The following GPR132 variants were observed in gnomAD, a reference collection of about 807,000 sequenced individuals.
GPR132 encodes probable G protein-coupled receptor 132.
GPR132 carries 4 observed loss-of-function variants against 1.9 expected under a neutral mutation model. The observed-to-expected ratio is 2.13, with a 90% CI of 1.05 to 4.87. GPR132 has a LOEUF of 4.87. Ranked by LOEUF, GPR132 falls within the 30% of genes most tolerant of loss-of-function variation. The probability of loss-of-function intolerance (pLI) is 0.01; values close to 1 mark genes in which losing one functional copy is unlikely to be tolerated. For synonymous variants in GPR132, 233 were observed against 234.2 expected (o/e 0.99, Z 0.05); for missense variants, 404 against 512.5 (o/e 0.79, Z 2.04).
In GPR132 at chr14:105,060,828, C is replaced by G. The variant is rs1382204708; in HGVS notation, c.-860-3548G>C. On this transcript the variant is annotated intron_variant, in intron 1 of 3. Transcript: ENST00000329797. The surrounding 1 kb of genome is among the most constrained non-coding windows in gnomAD (Gnocchi z 6.3). ...CAACCCTGGGTCAGAGGGCTGCAAG[C>G]ACTTCTGCAAAACCAAAGGAAGTGG... Among the ~76,000 whole-genome samples the G allele has an allele frequency of 1.3e-5, 2 of 152,252 alleles. No homozygotes were observed. Among genetic ancestry groups the G allele is most frequent in the Non-Finnish European group, 2.9e-5 (2 of 68,052 alleles).
chr14:105,054,720 C>T (rs950411222), intron 3 of GPR132, among the ~76,000 whole-genome samples: 4 of 150,580 alleles, frequency 2.7e-5, no homozygotes, highest in Non-Finnish European at 5.9e-5. Flanking sequence ...TGTGAGCCAC[C>T]ATGCCAGGCC....
chr14:105,060,780 C>A lies in GPR132; in HGVS notation c.-860-3500G>T, dbSNP rs1160628900. Among the ~76,000 whole-genome samples, 1 of 152,262 alleles carries A rather than the reference C, an allele frequency of 6.6e-6. No individual in the cohort carries two copies. The highest frequency in any genetic ancestry group is 1.5e-5 in the Non-Finnish European group (1 of 68,048). On this transcript the variant is annotated intron_variant, in intron 1 of 3. Transcript: ENST00000329797. This position sits in a 1 kb window ranked among gnomAD's most constrained non-coding sequence, Gnocchi z 6.3. ...TCTTGCTGGTCCAGGGCTGTGCCGC[C>A]CAGTCACGCCAATGCCAGCCGGCAA...
At chr14:105,054,455 A>G in intron 3 of GPR132, 1 of 939,102 alleles carries the variant, frequency 1.1e-6, no homozygotes, top group Non-Finnish European at 1.3e-6. Context: ...ACGTAGTCTC[A>G]AAAAACTGTG....
rs536176598 is a variant in GPR132, at chr14:105,056,003, G to A, written c.-583C>T. ...CACAGTTGGCATTGCTGGATCTCACGGCAGTTCCGTCTCATCTCGTGGGGT... is the reference window on the plus strand; with the variant it reads ...CACAGTTGGCATTGCTGGATCTCACAGCAGTTCCGTCTCATCTCGTGGGGT... On this transcript the variant is annotated 5_prime_UTR_variant, in exon 3 of 4. Transcript: ENST00000329797. The surrounding 1 kb of genome is among the most constrained non-coding windows in gnomAD (Gnocchi z 6.0). The A allele has an allele frequency of 1.4e-5, 4 of 277,116 alleles. No homozygotes were observed. Among genetic ancestry groups the A allele is most frequent in the South Asian group, 1.4e-4 (1 of 7,314 alleles). The allele number at this position is 277,116 out of a possible 1,614,324, so 17.2% of individuals were successfully genotyped here.
chr14:105,054,327 TC>T lies in GPR132; in HGVS notation c.34+1059del, dbSNP rs562559792. 2.3e-4 allele frequency: 224 copies of T among 985,092 alleles called. 1 individual carries two copies. The African/African-American group carries it at 3.5e-3, about 15-fold the overall frequency. The allele number at this position is 985,092 out of a possible 1,614,324, so 61.0% of individuals were successfully genotyped here. A position where few individuals can be genotyped will look rare whatever the true frequency, so the allele number is the denominator to read the frequency against. ...TGCAAATGTCGTAGTTTCCTTGACC[TC>T]CCTCCTGTACTTGAGGGCCTGTTGA... On this transcript the variant is annotated intron_variant, in intron 3 of 3. Coordinates refer to ENST00000329797, the MANE Select transcript of GPR132 (RefSeq NM_013345.4).
Position 105,056,185 on chromosome 14 carries a change from T to C in GPR132, c.-746-19A>G. 1 of 984,718 alleles carries C rather than the reference T, an allele frequency of 1.0e-6. No homozygotes were observed. Among genetic ancestry groups the C allele is most frequent in the Non-Finnish European group, 1.2e-6 (1 of 829,596 alleles). 61.0% of individuals were successfully genotyped at this position (984,718 alleles called of 1,614,324 possible). A position where few individuals can be genotyped will look rare whatever the true frequency, so the allele number is the denominator to read the frequency against. On this transcript the variant is annotated intron_variant, in intron 2 of 3. Transcript: ENST00000329797. This position sits in a 1 kb window ranked among gnomAD's most constrained non-coding sequence, Gnocchi z 6.0. ...TTCCTCCCTGGGCAGAGGGAGAGAG[T>C]GGGTGTGACTGGGCTGCCTCACACT...
chr14:105,050,711 A>C lies in GPR132; in HGVS notation c.*283T>G, dbSNP rs912573347. ...CGTGCTACCTGCCCACAGCCAAGGG[A>C]GCCAGCCAGGCAGGCTGCTGATGAA... is the stretch of plus-strand genomic sequence containing the variant. On this transcript the variant is annotated 3_prime_UTR_variant, in exon 4 of 4. Coordinates refer to ENST00000329797, the MANE Select transcript of GPR132 (RefSeq NM_013345.4). The surrounding 1 kb of genome is among the most constrained non-coding windows in gnomAD (Gnocchi z 4.0). 24 of 493,934 alleles carry C rather than the reference A, an allele frequency of 4.9e-5. No homozygotes were observed. Among genetic ancestry groups the C allele is most frequent in the African/African-American group, 4.4e-4 (23 of 52,280 alleles). The allele number at this position is 493,934 out of a possible 1,614,324, so 30.6% of individuals were successfully genotyped here.
chr14:105,055,305 C>A lies in GPR132; in HGVS notation c.34+82G>T. ...TTGTGCCACTGCACTCCAGCCTGGG[C>A]GATAGAGTGAGACTCAATCGCAAGA... On this transcript the variant is annotated intron_variant, in intron 3 of 3. Coordinates refer to ENST00000329797, the MANE Select transcript of GPR132 (RefSeq NM_013345.4). This position sits in a 1 kb window ranked among gnomAD's most constrained non-coding sequence, Gnocchi z 4.7. 2.6e-6 allele frequency: 2 copies of A among 777,062 alleles called. No homozygotes were observed. Among genetic ancestry groups the A allele is most frequent in the Middle Eastern group, 2.3e-4 (1 of 4,430 alleles). The allele number at this position is 777,062 out of a possible 1,614,324, so 48.1% of individuals were successfully genotyped here.
chr14:105,056,487 AC>A lies in GPR132; in HGVS notation c.-746-322del, dbSNP rs1311175291. On this transcript the variant is annotated intron_variant, in intron 2 of 3. Coordinates refer to ENST00000329797, the MANE Select transcript of GPR132 (RefSeq NM_013345.4). The surrounding 1 kb of genome is among the most constrained non-coding windows in gnomAD (Gnocchi z 6.0). ...AAACACAAGGGGAGATGCAGGCAAG[AC>A]CCGGGGTGGCCAGAGGGGTCCCTCC... Among the ~76,000 whole-genome samples the A allele has an allele frequency of 6.6e-6, 1 of 152,040 alleles. No individual in the cohort carries two copies. The highest frequency in any genetic ancestry group is 1.5e-5 in the Non-Finnish European group (1 of 67,992).
chr14:105,061,119 G>A (rs1035057282), intron 1 of GPR132, among the ~76,000 whole-genome samples: 4 of 152,258 alleles, frequency 2.6e-5, no homozygotes, highest in Non-Finnish European at 4.4e-5. Context: ...CAGGAGGCCC[G>A]GTGGGAACAA....
rs1162470663 is a variant in GPR132 at position 105,055,302 on chromosome 14, G to T, written c.34+85C>A. ...AGATTGTGCCACTGCACTCCAGCCT[G>T]GGCGATAGAGTGAGACTCAATCGCA... On this transcript the variant is annotated intron_variant, in intron 3 of 3. Transcript: ENST00000329797. This position sits in a 1 kb window ranked among gnomAD's most constrained non-coding sequence, Gnocchi z 4.7. The T allele has an allele frequency of 1.3e-6, 1 of 777,130 alleles. No homozygotes were observed. The highest frequency in any genetic ancestry group is 1.3e-5 in the South Asian group (1 of 74,460). 48.1% of individuals were successfully genotyped at this position (777,130 alleles called of 1,614,324 possible). A position where few individuals can be genotyped will look rare whatever the true frequency, so the allele number is the denominator to read the frequency against.
intron 1 of GPR132, among the ~76,000 whole-genome samples, chr14:105,058,541 G>A (rs1055266490): frequency 2.0e-5 from 3 of 152,240 alleles, no homozygotes; most frequent in South Asian, 2.1e-4. Flanking sequence ...GCCCGTACAC[G>A]GGACTGACGG....
In GPR132 at chr14:105,054,260, C is replaced by A. The variant is rs540911570; in HGVS notation, c.34+1127G>T. The A allele has an allele frequency of 3.8e-4, 444 of 1,164,904 alleles. 2 individuals carry two copies. In the Middle Eastern group the frequency reaches 7.9e-3, roughly 21 times the overall value. 72.2% of individuals were successfully genotyped at this position (1,164,904 alleles called of 1,614,324 possible). A position where few individuals can be genotyped will look rare whatever the true frequency, so the allele number is the denominator to read the frequency against. ...GTGCCCTGGCGCGAGGTCAGGGGTC[C>A]CTGGGCACTGTCCAGCCCGCTGGCC... On this transcript the variant is annotated intron_variant, in intron 3 of 3. Coordinates refer to ENST00000329797, the MANE Select transcript of GPR132 (RefSeq NM_013345.4).
At position 105,051,024 on chromosome 14, in the gene GPR132, A is replaced by G; in HGVS notation, c.1113T>C (p.Pro371=). 1 of 1,613,414 alleles carries G rather than the reference A, an allele frequency of 6.2e-7. No individual in the cohort carries two copies. Among genetic ancestry groups the G allele is most frequent in the Non-Finnish European group, 8.5e-7 (1 of 1,179,436 alleles). The change falls in exon 4 of 4, where the codon CCT becomes CCC. Residue 371 remains proline (P), a synonymous_variant. Coordinates refer to ENST00000329797, the MANE Select transcript of GPR132 (RefSeq NM_013345.4). The surrounding 1 kb of genome is among the most constrained non-coding windows in gnomAD (Gnocchi z 8.0). ...AGGACTCCTCAATCAGCCTCTTTGC[A>G]GGGCATGGTGACCCTGGTGGGTGCA... ...RPVHPPGSPC[P]AKRLIEESC
Position 105,056,194 on chromosome 14 carries a change from C to A in GPR132, c.-746-28G>T. 1 of 984,834 alleles carries A rather than the reference C, an allele frequency of 1.0e-6. No individual in the cohort carries two copies. Among genetic ancestry groups the A allele is most frequent in the Non-Finnish European group, 1.2e-6 (1 of 829,250 alleles). 61.0% of individuals were successfully genotyped at this position (984,834 alleles called of 1,614,324 possible). A position where few individuals can be genotyped will look rare whatever the true frequency, so the allele number is the denominator to read the frequency against. Reference sequence around the variant, plus strand: ...GGGCAGAGGGAGAGAGTGGGTGTGACTGGGCTGCCTCACACTCAGTTGTCA... The same window carrying A: ...GGGCAGAGGGAGAGAGTGGGTGTGAATGGGCTGCCTCACACTCAGTTGTCA... On this transcript the variant is annotated intron_variant, in intron 2 of 3. Transcript: ENST00000329797. This position sits in a 1 kb window ranked among gnomAD's most constrained non-coding sequence, Gnocchi z 6.0.
rs201367136 is a variant in GPR132, at chr14:105,051,372, G to A, written c.765C>T (p.Phe255=). Residue 255 remains phenylalanine (F), a synonymous_variant, in exon 4 of 4, where the codon TTC becomes TTT. Coordinates refer to ENST00000329797, the MANE Select transcript of GPR132 (RefSeq NM_013345.4). The surrounding 1 kb of genome is among the most constrained non-coding windows in gnomAD (Gnocchi z 8.0). ...CGAGGAGAACCAGGTGGTACGGGGC[G>A]AAGCAGACTAGGAAGATGACAACCA... The part of the protein sequence containing the change: ...IAVVVIFLVC[F]APYHLVLLVK... The A allele has an allele frequency of 2.4e-5, 39 of 1,614,064 alleles. No homozygotes were observed. In the African/African-American group the frequency reaches 4.3e-4, roughly 18 times the overall value.
chr14:105,051,140 T>A lies in GPR132; in HGVS notation c.997A>T (p.Thr333Ser). 1 of 1,614,134 alleles carries A rather than the reference T, an allele frequency of 6.2e-7. No homozygotes were observed. The highest frequency in any genetic ancestry group is 8.5e-7 in the Non-Finnish European group (1 of 1,180,028). Residue 333 changes from threonine to serine, a missense_variant, in exon 4 of 4, where the codon ACA becomes TCA. Coordinates refer to ENST00000329797, the MANE Select transcript of GPR132 (RefSeq NM_013345.4). The surrounding 1 kb of genome is among the most constrained non-coding windows in gnomAD (Gnocchi z 8.0). ...HKGWKEWSMK[T>S]DVTRLTHSRD... Reference sequence around the variant, plus strand: ...CTGTGGGTGAGCCTGGTGACGTCTGTCTTCATGGACCACTCTTTCCACCCC... The same window carrying A: ...CTGTGGGTGAGCCTGGTGACGTCTGACTTCATGGACCACTCTTTCCACCCC...
rs1445126698 is a variant in GPR132 at position 105,060,163 on chromosome 14, C to T, written c.-860-2883G>A. On this transcript the variant is annotated intron_variant, in intron 1 of 3. Coordinates refer to ENST00000329797, the MANE Select transcript of GPR132 (RefSeq NM_013345.4). The surrounding 1 kb of genome is among the most constrained non-coding windows in gnomAD (Gnocchi z 6.3). Reference sequence around the variant, plus strand: ...CTCCCTCGGGTGCCTGTGTGCTGGGCGCTGCCCTCCCAGCTGCTGCTCTGC... The same window carrying T: ...CTCCCTCGGGTGCCTGTGTGCTGGGTGCTGCCCTCCCAGCTGCTGCTCTGC... Among the ~76,000 whole-genome samples, 1 of 152,222 alleles carries T rather than the reference C, an allele frequency of 6.6e-6. No individual in the cohort carries two copies. The highest frequency in any genetic ancestry group is 1.5e-5 in the Non-Finnish European group (1 of 68,036).
rs145817565 is a variant in GPR132 at position 105,054,493 on chromosome 14, G to A, written c.34+894C>T. 642 of 763,710 alleles carry A rather than the reference G, an allele frequency of 8.4e-4. 4 individuals are homozygous for A. The African/African-American group carries it at 0.011, about 13-fold the overall frequency. 47.3% of individuals were successfully genotyped at this position (763,710 alleles called of 1,614,324 possible). ...GATGCCCAGGCTGGAGTGCAGTGGCGTGATCTCTGCTACTGCAACCTCTGC... is the reference window on the plus strand; with the variant it reads ...GATGCCCAGGCTGGAGTGCAGTGGCATGATCTCTGCTACTGCAACCTCTGC... On this transcript the variant is annotated intron_variant, in intron 3 of 3. Transcript: ENST00000329797.
Sources: gnomAD v4.1 joint callset for allele counts (sites outside exome capture counted in the v4.1 genomes callset) on GRCh38, gnomAD v4.1.1 for gene constraint, Gnocchi (gnomAD v3.1) non-coding constraint, MANE v1.5 for transcripts, NCBI Gene and HGNC (gene_info 2026-07-23, HGNC 2026-07-21) for gene names.